IFT74: variants seen among roughly 807,000 people sequenced by gnomAD.
IFT74 encodes the protein intraflagellar transport 74.
Under a neutral mutation model 96.7 loss-of-function variants are expected in IFT74, and 92 were observed. The observed-to-expected ratio is 0.95, with a 90% confidence interval of 0.80 to 1.13. IFT74 has a LOEUF of 1.13. Ranked by LOEUF, IFT74 falls within the 50% of genes most tolerant of loss-of-function variation. IFT74 has a pLI of 0.00. For synonymous variants in IFT74, 223 were observed against 213.2 expected, an observed-to-expected ratio of 1.05 and a Z score of -0.40; for missense variants, 811 against 698.2, an observed-to-expected ratio of 1.16 and a Z score of -1.82.
At chr9:26,947,228 T>C in intron 1 of IFT74, 1 of 635,850 alleles carries the variant, frequency 1.6e-6, no homozygotes, top group Non-Finnish European at 2.6e-6. Context: ...GCGGGCCGAG[T>C]GACACAGCAA....
chr9:26,981,631 G>T (rs1827379060), intron 4 of IFT74, among the ~76,000 whole-genome samples: 1 of 152,044 alleles, frequency 6.6e-6, no homozygotes, highest in African/African-American at 2.4e-5. Flanking sequence ...TGTCAGCCAG[G>T]CTTGTCTCGA....
chr9:26,985,445 A>T (rs1296901790), intron 6 of IFT74, among the ~76,000 whole-genome samples: 1 of 152,196 alleles, frequency 6.6e-6, no homozygotes, highest in African/African-American at 2.4e-5. Flanking sequence ...CCTAAAATAA[A>T]AATTTCAAAA....
intron 3 of IFT74, among the ~76,000 whole-genome samples, chr9:26,979,661 C>CAT (rs1353441267): frequency 6.9e-6 from 1 of 145,632 alleles, no homozygotes; most frequent in Non-Finnish European, 1.5e-5. Context: ...CAGGGCACTT[C>CAT]ATCTCTTACA....
intron 3 of IFT74, 120 bp downstream of exon 3, chr9:26,978,383 T>A: frequency 1.1e-6 from 1 of 939,514 alleles, no homozygotes; most frequent in Non-Finnish European, 1.6e-6. Flanking sequence ...TACAGTACCA[T>A]TTTTTTAAAT....
At chr9:27,049,954 C>T (rs1291508006) in intron 16 of IFT74, among the ~76,000 whole-genome samples, 2 of 152,108 alleles carry the variant, frequency 1.3e-5, no homozygotes, top group African/African-American at 2.4e-5. Context: ...TGTATTTAAA[C>T]TGATATAGCC....
chr9:27,017,154 G>A, intron 11 of IFT74, 104 bp downstream of exon 11: 1 of 813,542 alleles, frequency 1.2e-6, no homozygotes, highest in Non-Finnish European at 1.9e-6. Flanking sequence ...GCTAGTAAGT[G>A]TATTGTCTAA....
rs564747619 is a variant in IFT74 at position 26,975,914 on chromosome 9, C to T, written c.121-2214C>T. Among the ~76,000 whole-genome samples, 5 of 152,360 alleles carry T rather than the reference C, an allele frequency of 3.3e-5. No homozygotes were observed. The East Asian group carries it at 7.7e-4, about 24-fold the overall frequency. The stretch of plus-strand genomic sequence containing the variant: ...TTGTGGGAAATGGCAGGATCTGCCA[C>T]ATGAGGTGACCACGGGACCGTGCAG... On this transcript the variant is annotated intron_variant, in intron 2 of 19. Transcript: ENST00000380062.
At chr9:27,004,939 A>G (rs1828693775) in intron 8 of IFT74, among the ~76,000 whole-genome samples, 1 of 152,152 alleles carries the variant, frequency 6.6e-6, no homozygotes, top group African/African-American at 2.4e-5. Flanking sequence ...CATGTTTCTT[A>G]AGTTATTTAC....
chr9:26,963,421 G>T (rs925720610), intron 2 of IFT74, among the ~76,000 whole-genome samples: 2 of 149,992 alleles, frequency 1.3e-5, no homozygotes, highest in African/African-American at 4.9e-5. Context: ...ATAAACATAC[G>T]TGTGCATGTG....
intron 9 of IFT74, 85 bp downstream of exon 9, chr9:27,009,243 C>T: frequency 8.1e-7 from 1 of 1,231,210 alleles, no homozygotes; most frequent in Non-Finnish European, 1.1e-6. Context: ...ATCAGCATCC[C>T]CTGAGAACTT....
intron 8 of IFT74, among the ~76,000 whole-genome samples, chr9:27,008,774 G>A (rs1828909927): frequency 6.6e-6 from 1 of 152,152 alleles, no homozygotes; most frequent in African/African-American, 2.4e-5. Context: ...ATAAAATGGA[G>A]AGTAAGGAAA....
chr9:27,036,890 C>CA (rs1201731436), intron 13 of IFT74: 21 of 904,260 alleles, frequency 2.3e-5, no homozygotes, highest in Non-Finnish European at 2.7e-5. Flanking sequence ...CCTACAATGG[C>CA]AAAAAAAATT....
rs113889679 is a variant in IFT74 at position 27,035,907 on chromosome 9, G to A, written c.1054+6803G>A. ...CTTCAAGACAGCATTGGGATTAGGG[G>A]CACTGAGTGTGCCATGCAGTCAAAA... On this transcript the variant is annotated intron_variant, in intron 13 of 19. Coordinates refer to ENST00000380062, the MANE Select transcript of IFT74 (RefSeq NM_025103.4). 3.6e-3 allele frequency among the ~76,000 whole-genome samples: 548 copies of A among 152,246 alleles called. 1 individual carries two copies. Among genetic ancestry groups the A allele is most frequent in the African/African-American group, 0.013 (522 of 41,544 alleles).
At chr9:27,004,406 A>G (rs1365467315) in intron 8 of IFT74, among the ~76,000 whole-genome samples, 1 of 152,230 alleles carries the variant, frequency 6.6e-6, no homozygotes, top group Non-Finnish European at 1.5e-5. Flanking sequence ...TGTGAAATAC[A>G]TTGATTGATC....
chr9:26,985,066 C>G (rs1276927382), intron 6 of IFT74, among the ~76,000 whole-genome samples: 1 of 152,168 alleles, frequency 6.6e-6, no homozygotes, highest in East Asian at 1.9e-4. Context: ...AAATGCCCAT[C>G]AGTGGCAGAT....
At position 27,056,429 on chromosome 9, in the gene IFT74, A is replaced by G. The variant is rs1276217280; in HGVS notation, c.1593A>G (p.Thr531=). 3 of 1,599,488 alleles carry G rather than the reference A, an allele frequency of 1.9e-6. No individual in the cohort carries two copies. The highest frequency in any genetic ancestry group is 2.7e-5 in the African/African-American group (2 of 74,162). ...KQNIEYEALK[T]QLQENETHSQ... ...ACATAGAGTATGAGGCACTAAAAACACAATTGCAAGAAAATGAGACACATT... is the reference window on the plus strand; with the variant it reads ...ACATAGAGTATGAGGCACTAAAAACGCAATTGCAAGAAAATGAGACACATT... The change falls in exon 18 of 20, where the codon ACA becomes ACG. Residue 531 remains threonine, a synonymous_variant. Transcript: ENST00000380062.
intron 8 of IFT74, among the ~76,000 whole-genome samples, chr9:26,999,232 C>T (rs534700494): frequency 7.9e-5 from 12 of 151,988 alleles, no homozygotes; most frequent in Non-Finnish European, 1.2e-4. Context: ...ATAAATAGAA[C>T]TAAGAATAGT....
intron 17 of IFT74, 45 bp from the exon 18 acceptor site, chr9:27,056,289 C>G (rs1379378689): frequency 7.3e-7 from 1 of 1,377,398 alleles, no homozygotes; most frequent in Non-Finnish European, 1.0e-6. Context: ...TATTGGCTTA[C>G]TACATATTTT....
rs1829754729 is a variant in IFT74, at chr9:27,024,353, C to T, written c.975-4672C>T. Among the ~76,000 whole-genome samples the T allele has an allele frequency of 3.3e-5, 5 of 152,268 alleles. No individual in the cohort carries two copies. The South Asian group carries it at 1.0e-3, about 32-fold the overall frequency. On this transcript the variant is annotated intron_variant, in intron 12 of 19. Transcript: ENST00000380062. ...TCACTTCGCAGGACTCTTCGCAGAC[C>T]CTCCCAAGTACAAGCCCAGAGCCCG...
Sources: allele counts gnomAD v4.1 joint callset (sites outside exome capture counted in the v4.1 genomes callset), GRCh38; gene constraint gnomAD v4.1.1; transcripts MANE v1.5; gene names NCBI Gene and HGNC (gene_info 2026-07-23, HGNC 2026-07-21).